The following NFIC variants were observed in gnomAD, a reference collection of about 807,000 sequenced individuals.
NFIC encodes nuclear factor 1 C-type.
A neutral mutation model predicts 54.4 loss-of-function variants in NFIC; 12 were observed. The ratio of observed to expected loss-of-function variants is 0.22; its 90% CI spans 0.14 to 0.36. The LOEUF is 0.36. NFIC is among the 10% of genes least tolerant of loss of function. The probability of loss-of-function intolerance (pLI) is 1.00; values close to 1 mark genes in which losing one functional copy is unlikely to be tolerated. For missense variants in NFIC, 575 were observed against 718.2 expected (o/e 0.80, Z 2.28); for synonymous variants, 322 against 319.2 (o/e 1.01, Z -0.09).
intron 2 of NFIC, among the ~76,000 whole-genome samples, chr19:3,402,601 A>G (rs2081575978): frequency 6.6e-6 from 1 of 152,192 alleles, no homozygotes; most frequent in Non-Finnish European, 1.5e-5. Flanking sequence ...CTAAGCAACT[A>G]AGCAAATCCA....
chr19:3,451,506 C>T (rs567242465), intron 7 of NFIC, among the ~76,000 whole-genome samples: 3 of 151,986 alleles, frequency 2.0e-5, no homozygotes, highest in East Asian at 1.9e-4. Flanking sequence ...TGGTGGCACA[C>T]GCCGGCAGTC....
intron 2 of NFIC, among the ~76,000 whole-genome samples, chr19:3,383,111 G>T (rs1296571004): frequency 1.3e-5 from 2 of 151,156 alleles, no homozygotes. Flanking sequence ...GTGAGGAGAG[G>T]AGAGGGACAG....
At position 3,462,736 on chromosome 19, in the gene NFIC, C is replaced by G; in HGVS notation, c.1510-16C>G. On this transcript the variant is annotated splice_polypyrimidine_tract_variant and intron_variant, in intron 10 of 10. Coordinates refer to ENST00000443272, the MANE Select transcript of NFIC (RefSeq NM_001245002.2). ...TTTTTCTCTCTCCCTCTTTCTGTCGCCACTGGGCCACTCAGTCCTGGTATC... is the reference window on the plus strand; with the variant it reads ...TTTTTCTCTCTCCCTCTTTCTGTCGGCACTGGGCCACTCAGTCCTGGTATC... 1 of 1,613,746 alleles carries G rather than the reference C, an allele frequency of 6.2e-7. No individual in the cohort carries two copies. The highest frequency in any genetic ancestry group is 1.1e-5 in the South Asian group (1 of 91,052).
At chr19:3,461,209 G>GA (rs2082633173) in intron 10 of NFIC, among the ~76,000 whole-genome samples, 1 of 149,214 alleles carries the variant, frequency 6.7e-6, no homozygotes, top group African/African-American at 2.5e-5. Context: ...ACTTTGGGAG[G>GA]AAGGAGTTCA....
At chr19:3,443,269 C>G (rs113217159) in intron 6 of NFIC, among the ~76,000 whole-genome samples, 3 of 151,728 alleles carry the variant, frequency 2.0e-5, no homozygotes, top group Non-Finnish European at 4.4e-5. Flanking sequence ...AAAAAAATAC[C>G]AAATTAGCTG....
At chr19:3,436,309 ATTTTTTTTTTTT>A (rs71166903) in intron 6 of NFIC, among the ~76,000 whole-genome samples, 1,971 of 85,566 alleles carry the variant, frequency 0.023, 69 homozygotes, top group African/African-American at 0.082. Context: ...TGCGCCGTTA[ATTTTTTTTTTTT>A]TTTTTTTTTT....
chr19:3,464,198 G>T lies in NFIC; in HGVS notation c.*1429G>T, dbSNP rs866934221. On this transcript the variant is annotated 3_prime_UTR_variant, in exon 11 of 11. Transcript: ENST00000443272. The stretch of plus-strand genomic sequence containing the variant: ...CTACCCCGACGCGGGGCCCAGCTGC[G>T]GGACGTGCATCACGGCTGGGCCCCC... The T allele has an allele frequency of 1.3e-5, 13 of 985,254 alleles. No homozygotes were observed. The Admixed American group carries it at 8.0e-4, about 61-fold the overall frequency. 61.0% of individuals were successfully genotyped at this position (985,254 alleles called of 1,614,324 possible).
chr19:3,378,873 C>T (rs926513518), intron 1 of NFIC, among the ~76,000 whole-genome samples: 5 of 152,066 alleles, frequency 3.3e-5, no homozygotes, highest in East Asian at 3.9e-4. Context: ...GGACTCCACC[C>T]GGGATTTCTC....
rs185960027 is a variant in NFIC, at chr19:3,437,225, G to A, written c.958+2018G>A. On this transcript the variant is annotated intron_variant, in intron 6 of 10. Coordinates refer to ENST00000443272, the MANE Select transcript of NFIC (RefSeq NM_001245002.2). ...TACTAAAAATACAAAAAAAATAGCCGGGCGTGGCGGCGGGTGCCTGTAGTC... is the reference window on the plus strand; with the variant it reads ...TACTAAAAATACAAAAAAAATAGCCAGGCGTGGCGGCGGGTGCCTGTAGTC... Among the ~76,000 whole-genome samples, 17 of 152,198 alleles carry A rather than the reference G, an allele frequency of 1.1e-4. No individual in the cohort carries two copies. In the East Asian group the frequency reaches 2.7e-3, roughly 24 times the overall value.
chr19:3,433,067 T>A (rs1245423845), intron 3 of NFIC, among the ~76,000 whole-genome samples: 1 of 151,468 alleles, frequency 6.6e-6, no homozygotes, highest in African/African-American at 2.4e-5. Context: ...CAGGCTCAAG[T>A]GATCCTCCAG....
chr19:3,382,667 C>T (rs1195045156), intron 2 of NFIC, among the ~76,000 whole-genome samples: 5 of 125,838 alleles, frequency 4.0e-5, no homozygotes, highest in South Asian at 2.6e-4. Context: ...GTGGTCCAAG[C>T]GGGGAGGCGG....
chr19:3,454,007 G>C, intron 9 of NFIC, 91 bp downstream of exon 9: 6 of 1,413,114 alleles, frequency 4.2e-6, no homozygotes, highest in Non-Finnish European at 5.5e-6. Flanking sequence ...CAGAGGTCAG[G>C]CCCGACCCTG....
At position 3,451,518 on chromosome 19, in the gene NFIC, G is replaced by A. The variant is rs536207996; in HGVS notation, c.1085-964G>A. On this transcript the variant is annotated intron_variant, in intron 7 of 10. Transcript: ENST00000443272. ...GCGTGGTGGCACACGCCGGCAGTCC[G>A]TGCTACTCAGGCCGAGGCAGGAGGA... Among the ~76,000 whole-genome samples the A allele has an allele frequency of 2.4e-3, 362 of 151,810 alleles. 1 individual carries two copies. Among genetic ancestry groups the A allele is most frequent in the African/African-American group, 7.1e-3 (296 of 41,400 alleles).
At position 3,369,480 on chromosome 19, in the gene NFIC, C is replaced by G. The variant is rs538258540; in HGVS notation, c.30+2814C>G. On this transcript the variant is annotated intron_variant, in intron 1 of 10. Coordinates refer to ENST00000443272, the MANE Select transcript of NFIC (RefSeq NM_001245002.2). The surrounding 1 kb of genome is among the most constrained non-coding windows in gnomAD (Gnocchi z 4.3). ...GAAAATAGCTCCCTTTTAGCTGATC[C>G]GACCCGGATCCTTCTCGGGAGCCGA... Among the ~76,000 whole-genome samples the G allele has an allele frequency of 6.6e-6, 1 of 151,802 alleles. No homozygotes were observed. Among genetic ancestry groups the G allele is most frequent in the East Asian group, 1.9e-4 (1 of 5,140 alleles).
intron 9 of NFIC, chr19:3,454,292 T>G: frequency 9.4e-7 from 1 of 1,064,540 alleles, no homozygotes; most frequent in Non-Finnish European, 1.1e-6. Flanking sequence ...ACTGGTCTTT[T>G]GTTTGTGGAG....
intron 6 of NFIC, 149 bp from the exon 7 acceptor site, chr19:3,448,865 G>A (rs1219942730): frequency 1.0e-5 from 13 of 1,253,576 alleles, no homozygotes; most frequent in Non-Finnish European, 1.4e-5. Flanking sequence ...TCTGTGTAAT[G>A]GGCTCACAGC....
Position 3,452,581 on chromosome 19 carries a change from G to T in NFIC, c.1184G>T (p.Arg395Leu), listed in dbSNP as rs140170107. The T allele has an allele frequency of 1.9e-6, 3 of 1,613,580 alleles. No homozygotes were observed. The highest frequency in any genetic ancestry group is 2.5e-6 in the Non-Finnish European group (3 of 1,179,968). The change falls in exon 8 of 11, where the codon CGC (arginine) becomes CTC (leucine). Residue 395 changes from arginine to leucine, a missense_variant. Physicochemically the swap from Arg to Leu is moderately radical, Grantham distance 102. Around this residue, in one of 3 missense-constraint regions of NFIC, gnomAD observed 447 missense variants for 526.9 expected, o/e 0.85. Transcript: ENST00000443272. This position sits in a 1 kb window ranked among gnomAD's most constrained non-coding sequence, Gnocchi z 5.3. ...ACCTACTTCCCCCACACGGCCATCC[G>T]CTACCCACCTCATCTCAACCCCCAG... is the stretch of plus-strand genomic sequence containing the variant. The part of the protein sequence containing the change: ...ASTYFPHTAI[R>L]YPPHLNPQDP...
chr19:3,427,829 AAAG>A (rs1288141717), intron 3 of NFIC, among the ~76,000 whole-genome samples: 83 of 146,528 alleles, frequency 5.7e-4, no homozygotes, highest in Middle Eastern at 3.7e-3. Context: ...AAAAAAAAAA[AAAG>A]AAGAAGAAGA....
Position 3,452,737 on chromosome 19 carries a change from C to G in NFIC, c.1269+71C>G. ...TGACCTCCCGGGGGCCACGTGCTCA[C>G]ACGAAGGCACAACCTCTGCTTAAAA... On this transcript the variant is annotated intron_variant, in intron 8 of 10. Transcript: ENST00000443272. This position sits in a 1 kb window ranked among gnomAD's most constrained non-coding sequence, Gnocchi z 5.3. 6.7e-7 allele frequency: 1 copy of G among 1,500,414 alleles called. No homozygotes were observed. The highest frequency in any genetic ancestry group is 8.9e-7 in the Non-Finnish European group (1 of 1,121,500). The allele number at this position is 1,500,414 out of a possible 1,614,324, so 92.9% of individuals were successfully genotyped here.
Sources: allele counts gnomAD v4.1 joint callset (sites outside exome capture counted in the v4.1 genomes callset), GRCh38; gene constraint gnomAD v4.1.1; regional missense constraint gnomAD v4.1.1; non-coding constraint Gnocchi (gnomAD v3.1); transcripts MANE v1.5; gene names NCBI Gene and HGNC (gene_info 2026-07-23, HGNC 2026-07-21).